Variants in GPCPD1 observed in about 807,000 individuals in gnomAD.
The protein encoded by GPCPD1 is glycerophosphocholine phosphodiesterase 1.
GPCPD1 carries 29 observed loss-of-function variants against 89.2 expected under a neutral mutation model. That is an observed-to-expected ratio of 0.33 (90% CI 0.24 to 0.44). The LOEUF is 0.44. GPCPD1 is among the 20% of genes least tolerant of loss of function. GPCPD1 has a pLI of 1.00. For synonymous variants in GPCPD1, 258 were observed against 266.3 expected, an observed-to-expected ratio of 0.97 and a Z score of 0.30; for missense variants, 594 against 808.9, an observed-to-expected ratio of 0.73 and a Z score of 3.22.
chr20:5,602,986 TAAAAAA>T (rs57455474), intron 2 of GPCPD1, among the ~76,000 whole-genome samples: 3 of 121,390 alleles, frequency 2.5e-5, no homozygotes, highest in Non-Finnish European at 3.4e-5. Flanking sequence ...CCATCTCAAT[TAAAAAA>T]AAAAAAAAAA....
chr20:5,573,760 T>C (rs1986852855), intron 11 of GPCPD1, among the ~76,000 whole-genome samples, 155 bp downstream of exon 11: 1 of 152,032 alleles, frequency 6.6e-6, no homozygotes, highest in South Asian at 2.1e-4. Flanking sequence ...AAAGAAAAGA[T>C]GCTTATGGTT....
chr20:5,570,051 T>G, intron 12 of GPCPD1, 96 bp downstream of exon 12: 2 of 575,058 alleles, frequency 3.5e-6, no homozygotes, highest in East Asian at 6.2e-5. Flanking sequence ...ATTAACCAAT[T>G]CTATTTAATA....
At position 5,575,549 on chromosome 20, in the gene GPCPD1, T is replaced by C; in HGVS notation, c.869-4A>G. 6.4e-7 allele frequency: 1 copy of C among 1,556,056 alleles called. No individual in the cohort carries two copies. Among genetic ancestry groups the C allele is most frequent in the Non-Finnish European group, 8.8e-7 (1 of 1,135,982 alleles). The stretch of plus-strand genomic sequence containing the variant: ...GGCTTAATAATTATATAGTCAACTT[T>C]CATAGGAAAAAAGAGGGAGGAACAA... On this transcript the variant is annotated splice_region_variant and splice_polypyrimidine_tract_variant and intron_variant, in intron 9 of 19. Coordinates refer to ENST00000379019, the MANE Select transcript of GPCPD1 (RefSeq NM_019593.5).
chr20:5,610,053 C>T lies in GPCPD1; in HGVS notation c.-29+789G>A, dbSNP rs919516292. 1.4e-4 allele frequency among the ~76,000 whole-genome samples: 22 copies of T among 152,312 alleles called. No homozygotes were observed. In the East Asian group the frequency reaches 4.2e-3, roughly 29 times the overall value. The stretch of plus-strand genomic sequence containing the variant: ...CCATCAGTTCCTCTATGCAGGTCTA[C>T]ATCAGACTAACAGCTGCCTTAAGGT... On this transcript the variant is annotated intron_variant, in intron 1 of 19. Coordinates refer to ENST00000379019, the MANE Select transcript of GPCPD1 (RefSeq NM_019593.5).
Position 5,545,112 on chromosome 20 carries a change from C to T in GPCPD1, c.*2549G>A, listed in dbSNP as rs954047619. On this transcript the variant is annotated 3_prime_UTR_variant, in exon 20 of 20. Coordinates refer to ENST00000379019, the MANE Select transcript of GPCPD1 (RefSeq NM_019593.5). Reference sequence around the variant, plus strand: ...TTCCATAAAGTATAAAATAATTTAACATTATACCTCTACATTTCAAAATTC... The same window carrying T: ...TTCCATAAAGTATAAAATAATTTAATATTATACCTCTACATTTCAAAATTC... 54 of 152,246 alleles carry T rather than the reference C, an allele frequency of 3.5e-4. 1 individual carries two copies. The highest frequency in any genetic ancestry group is 1.3e-3 in the African/African-American group (53 of 41,550). 9.4% of individuals were successfully genotyped at this position (152,246 alleles called of 1,614,324 possible). A position where few individuals can be genotyped will look rare whatever the true frequency, so the allele number is the denominator to read the frequency against.
chr20:5,599,412 A>G (rs1979969829), intron 2 of GPCPD1, among the ~76,000 whole-genome samples: 1 of 151,956 alleles, frequency 6.6e-6, no homozygotes, highest in African/African-American at 2.4e-5. Flanking sequence ...GGTTGCAGTG[A>G]GCCGAAATCA....
chr20:5,582,579 A>G (rs1978614833), intron 6 of GPCPD1, among the ~76,000 whole-genome samples: 1 of 152,134 alleles, frequency 6.6e-6, no homozygotes, highest in African/African-American at 2.4e-5. Flanking sequence ...TTTGACTCCT[A>G]CAGTACAGCA....
At chr20:5,592,847 C>A (rs1372800586) in intron 4 of GPCPD1, among the ~76,000 whole-genome samples, 1 of 152,008 alleles carries the variant, frequency 6.6e-6, no homozygotes, top group Non-Finnish European at 1.5e-5. Context: ...TTATCAATAA[C>A]ATCTTTGAAA....
chr20:5,601,361 C>CTTTTTTTT (rs1209326779), intron 2 of GPCPD1, among the ~76,000 whole-genome samples: 4 of 73,048 alleles, frequency 5.5e-5, no homozygotes, highest in African/African-American at 6.0e-5. Flanking sequence ...CCCTGTTAAT[C>CTTTTTTTT]TTTTTTTTTT....
At chr20:5,589,382 C>T (rs958101440) in intron 4 of GPCPD1, among the ~76,000 whole-genome samples, 4 of 152,114 alleles carry the variant, frequency 2.6e-5, no homozygotes, top group South Asian at 2.1e-4. Flanking sequence ...GAGGTCAAAG[C>T]GGGTGGATCA....
In GPCPD1 at chr20:5,582,296, A is replaced by G. The variant is rs142601328; in HGVS notation, c.349+1985T>C. Among the ~76,000 whole-genome samples the G allele has an allele frequency of 1.4e-4, 22 of 151,944 alleles. No individual in the cohort carries two copies. In the East Asian group the frequency reaches 4.3e-3, roughly 29 times the overall value. ...AGTACTAAAGACTCCAAAACACTTA[A>G]CACTAAAGCTATTCAAGTACTGTAC... On this transcript the variant is annotated intron_variant, in intron 6 of 19. Coordinates refer to ENST00000379019, the MANE Select transcript of GPCPD1 (RefSeq NM_019593.5).
At chr20:5,575,099 C>CA (rs56775434) in intron 10 of GPCPD1, among the ~76,000 whole-genome samples, 14,155 of 152,204 alleles carry the variant, frequency 0.093, 1,087 homozygotes, top group African/African-American at 0.21. Context: ...TGCGGAAACT[C>CA]AGACTCAGAG....
chr20:5,568,748 A>G (rs1443979571), intron 12 of GPCPD1, among the ~76,000 whole-genome samples: 2 of 152,112 alleles, frequency 1.3e-5, no homozygotes, highest in Non-Finnish European at 2.9e-5. Context: ...CTACTAAAAA[A>G]TACAAAAATT....
In GPCPD1 at chr20:5,567,562, T is replaced by TAAAAAAAAAA; in HGVS notation, c.1150-12_1150-3dup. ...TTCAACTGGATCAGCATCAAATTTCTAAAAAAAAAAAAAAAAGAAAGAAAG... is the reference window on the plus strand; with the variant it reads ...TTCAACTGGATCAGCATCAAATTTCTAAAAAAAAAAAAAAAAAAAAAAAAAAGAAAGAAAG... On this transcript the variant is annotated splice_region_variant and splice_polypyrimidine_tract_variant and intron_variant, in intron 12 of 19. Transcript: ENST00000379019. 7.7e-7 allele frequency: 1 copy of TAAAAAAAAAA among 1,296,988 alleles called. No individual in the cohort carries two copies. The allele number at this position is 1,296,988 out of a possible 1,614,324, so 80.3% of individuals were successfully genotyped here.
In GPCPD1 at chr20:5,575,504, C is replaced by A. The variant is rs142868216; in HGVS notation, c.910G>T (p.Asp304Tyr). 16 of 1,588,704 alleles carry A rather than the reference C, an allele frequency of 1.0e-5. No homozygotes were observed. The highest frequency in any genetic ancestry group is 1.2e-5 in the Non-Finnish European group (14 of 1,157,204). Residue 304 changes from aspartate (D) to tyrosine (Y), a missense_variant, in exon 10 of 20, where the codon GAC (aspartate) becomes TAC (tyrosine). By Grantham distance (160) the Asp-to-Tyr change is radical (BLOSUM62 -3). Transcript: ENST00000379019. ...TACTTGGAAAATGAAGATTTCATGT[C>A]ACAACTGTATCCTGGTAATGGCTTA... ...IIKPLPGYSC[D>Y]MKSSFSKYWK...
At chr20:5,569,098 T>TCCTCC (rs61110993) in intron 12 of GPCPD1, among the ~76,000 whole-genome samples, 21,430 of 150,298 alleles carry the variant, frequency 0.14, 1,666 homozygotes, top group Middle Eastern at 0.21. Flanking sequence ...TTTCCTCCCT[T>TCCTCC]CCTCCCCTCC....
Position 5,544,938 on chromosome 20 carries a change from G to A in GPCPD1, c.*2723C>T, listed in dbSNP as rs1283656594. ...TCACAAGGAGCAACGGCAGAGAGGT[G>A]GGTGGGTGGCAGGAAGCGCCACAAC... On this transcript the variant is annotated 3_prime_UTR_variant, in exon 20 of 20. Coordinates refer to ENST00000379019, the MANE Select transcript of GPCPD1 (RefSeq NM_019593.5). 3 of 152,166 alleles carry A rather than the reference G, an allele frequency of 2.0e-5. No homozygotes were observed. The highest frequency in any genetic ancestry group is 2.0e-4 in the Admixed American group (3 of 15,274). 9.4% of individuals were successfully genotyped at this position (152,166 alleles called of 1,614,324 possible).
chr20:5,610,476 T>A (rs969967334), intron 1 of GPCPD1, among the ~76,000 whole-genome samples: 1 of 152,140 alleles, frequency 6.6e-6, no homozygotes, highest in Non-Finnish European at 1.5e-5. Flanking sequence ...GGACCTCATC[T>A]GCATTTTTGG....
intron 13 of GPCPD1, 135 bp from the exon 14 acceptor site, chr20:5,566,907 A>T (rs1371326191): frequency 1.5e-6 from 1 of 646,536 alleles, no homozygotes; most frequent in Non-Finnish European, 2.8e-6. Flanking sequence ...TAATAAGAAT[A>T]AGCACTAGCC....
Sources: gnomAD v4.1 joint callset for allele counts (sites outside exome capture counted in the v4.1 genomes callset) on GRCh38, gnomAD v4.1.1 for gene constraint, MANE v1.5 for transcripts, NCBI Gene and HGNC (gene_info 2026-07-23, HGNC 2026-07-21) for gene names.